Variants in SYNDIG1 observed in about 807,000 individuals in gnomAD.
SYNDIG1 encodes synapse differentiation-inducing gene protein 1.
In SYNDIG1, 9 loss-of-function variants were observed where a neutral mutation model predicts 19.4. That is an observed-to-expected ratio of 0.46 (90% confidence interval 0.28 to 0.81). SYNDIG1 has a LOEUF of 0.81. SYNDIG1 is among the 30% of genes least tolerant of loss of function. SYNDIG1 has a pLI of 0.12. For missense variants in SYNDIG1, 311 were observed against 343.3 expected (o/e 0.91, Z 0.74); for synonymous variants, 141 against 145.9 (o/e 0.97, Z 0.24).
chr20:24,601,113 C>A (rs945599558), intron 3 of SYNDIG1, among the ~76,000 whole-genome samples: 5 of 152,152 alleles, frequency 3.3e-5, no homozygotes, highest in African/African-American at 1.2e-4. Flanking sequence ...GAATATTTTC[C>A]TTTAATCTAC....
chr20:24,626,804 G>A (rs1398992660), intron 3 of SYNDIG1, among the ~76,000 whole-genome samples: 4 of 152,078 alleles, frequency 2.6e-5, no homozygotes, highest in African/African-American at 4.8e-5. Flanking sequence ...CTGAGTTAAC[G>A]AGACTCCGTC....
chr20:24,625,167 A>G (rs899758968), intron 3 of SYNDIG1, among the ~76,000 whole-genome samples: 1 of 152,206 alleles, frequency 6.6e-6, no homozygotes, highest in Non-Finnish European at 1.5e-5. Flanking sequence ...AAGGAAGGAA[A>G]TAACTACAAT....
At chr20:24,653,840 G>A (rs1347113067) in intron 3 of SYNDIG1, among the ~76,000 whole-genome samples, 2 of 152,210 alleles carry the variant, frequency 1.3e-5, no homozygotes, top group African/African-American at 2.4e-5. Flanking sequence ...ACTTCACGGG[G>A]TCATCCCTCG....
intron 3 of SYNDIG1, among the ~76,000 whole-genome samples, chr20:24,603,339 T>C (rs990107245): frequency 6.6e-6 from 1 of 152,082 alleles, no homozygotes; most frequent in Non-Finnish European, 1.5e-5. Flanking sequence ...CCCCAACCCA[T>C]GGGGACTTCT....
Position 24,469,747 on chromosome 20 carries a change from C to G in SYNDIG1, c.-85C>G, listed in dbSNP as rs1046957163. The G allele has an allele frequency of 2.8e-4, 42 of 151,866 alleles. No individual in the cohort carries two copies. The highest frequency in any genetic ancestry group is 9.9e-4 in the African/African-American group (41 of 41,496). 9.4% of individuals were successfully genotyped at this position (151,866 alleles called of 1,614,324 possible). A position where few individuals can be genotyped will look rare whatever the true frequency, so the allele number is the denominator to read the frequency against. On this transcript the variant is annotated 5_prime_UTR_variant, in exon 1 of 4. Transcript: ENST00000376862. ...GGGCGCACTTGCCGGGTCACCTTGT[C>G]CCGGAGGTAAGTCCAGACCTCCCGG...
At chr20:24,572,634 A>C (rs531279880) in intron 2 of SYNDIG1, among the ~76,000 whole-genome samples, 22 of 152,152 alleles carry the variant, frequency 1.4e-4, no homozygotes, top group Non-Finnish European at 1.0e-4. Flanking sequence ...TGGGCAGGAT[A>C]TGGGGAGTAG....
chr20:24,562,882 T>G (rs1048197963), intron 2 of SYNDIG1, among the ~76,000 whole-genome samples: 1 of 152,188 alleles, frequency 6.6e-6, no homozygotes, highest in African/African-American at 2.4e-5. Context: ...GAAATCCAAC[T>G]TTTCTGTATT....
chr20:24,518,984 C>T (rs569520574), intron 1 of SYNDIG1, among the ~76,000 whole-genome samples: 8 of 152,240 alleles, frequency 5.3e-5, no homozygotes, highest in South Asian at 2.1e-4. Context: ...CTTGCTAGGG[C>T]GGCGCAGCCC....
At position 24,489,460 on chromosome 20, in the gene SYNDIG1, C is replaced by G. The variant is rs111165963; in HGVS notation, c.-79+19707C>G. On this transcript the variant is annotated intron_variant, in intron 1 of 3. Coordinates refer to ENST00000376862, the MANE Select transcript of SYNDIG1 (RefSeq NM_024893.3). ...ACATGCACACACAGACACATGCACA[C>G]AGACACATACGTGCATGGACACACA... Among the ~76,000 whole-genome samples the G allele has an allele frequency of 4.7e-3, 711 of 151,002 alleles. 4 individuals carry two copies. The highest frequency in any genetic ancestry group is 0.016 in the African/African-American group (657 of 40,558).
chr20:24,662,296 G>A (rs1421806416), intron 3 of SYNDIG1, among the ~76,000 whole-genome samples: 1 of 151,978 alleles, frequency 6.6e-6, no homozygotes, highest in Non-Finnish European at 1.5e-5. Flanking sequence ...TATGGCGCAA[G>A]TTTACTTTTA....
chr20:24,546,080 A>C (rs986337884), intron 2 of SYNDIG1, among the ~76,000 whole-genome samples: 4 of 152,208 alleles, frequency 2.6e-5, no homozygotes, highest in Non-Finnish European at 5.9e-5. Flanking sequence ...CATGCGGCTC[A>C]GGATGCCAAG....
intron 2 of SYNDIG1, among the ~76,000 whole-genome samples, chr20:24,565,024 G>T (rs1378293718): frequency 6.6e-6 from 1 of 152,198 alleles, no homozygotes. Context: ...TGAGGTACCT[G>T]CTATTGTTCA....
chr20:24,661,835 C>T (rs1241426822), intron 3 of SYNDIG1, among the ~76,000 whole-genome samples: 1 of 152,110 alleles, frequency 6.6e-6, no homozygotes, highest in Non-Finnish European at 1.5e-5. Context: ...TCTCTGCCAC[C>T]TTCACAAGAA....
intron 3 of SYNDIG1, among the ~76,000 whole-genome samples, chr20:24,652,424 C>T (rs1292303018): frequency 2.0e-5 from 3 of 152,186 alleles, no homozygotes; most frequent in Non-Finnish European, 2.9e-5. Context: ...GCTCCTCCAC[C>T]ATAACCTACA....
At chr20:24,540,496 A>C (rs1160530879) in intron 1 of SYNDIG1, among the ~76,000 whole-genome samples, 2 of 152,146 alleles carry the variant, frequency 1.3e-5, no homozygotes, top group Admixed American at 1.3e-4. Context: ...TATGATGTTC[A>C]CTGTGGATTT....
chr20:24,547,302 C>T (rs775944172), intron 2 of SYNDIG1, among the ~76,000 whole-genome samples: 7 of 152,224 alleles, frequency 4.6e-5, no homozygotes, highest in East Asian at 1.9e-4. Flanking sequence ...CCGAAGAGGT[C>T]GGCCTGTCTG....
intron 1 of SYNDIG1, among the ~76,000 whole-genome samples, chr20:24,477,228 C>T (rs1369444835): frequency 6.6e-6 from 1 of 152,222 alleles, no homozygotes; most frequent in African/African-American, 2.4e-5. Context: ...CACATGCCTA[C>T]AGGGCAAAGT....
At chr20:24,517,972 A>AT (rs2056922462) in intron 1 of SYNDIG1, among the ~76,000 whole-genome samples, 1 of 150,732 alleles carries the variant, frequency 6.6e-6, no homozygotes, top group African/African-American at 2.4e-5. Context: ...CACCCGGCTA[A>AT]TTTTTTGTAT....
At chr20:24,665,204 C>A in intron 3 of SYNDIG1, 142 bp from the exon 4 acceptor site, 1 of 1,008,082 alleles carries the variant, frequency 9.9e-7, no homozygotes, top group Middle Eastern at 2.2e-4. Context: ...CTGGTCATAG[C>A]AGGGGTGAGC....
Sources: allele counts gnomAD v4.1 joint callset (sites outside exome capture counted in the v4.1 genomes callset), GRCh38; gene constraint gnomAD v4.1.1; transcripts MANE v1.5; gene names NCBI Gene and HGNC (gene_info 2026-07-23, HGNC 2026-07-21).